Variants in LRP1B observed in about 807,000 individuals in gnomAD.
The protein encoded by LRP1B is LDL receptor related protein 1B, also known as low-density lipoprotein receptor-related protein 1B.
A neutral mutation model predicts 556.6 loss-of-function variants in LRP1B; 217 were observed. The observed-to-expected ratio is 0.39, with a 90% confidence interval of 0.35 to 0.44. The LOEUF is 0.44. Ranked by LOEUF, LRP1B falls within the 20% of genes least tolerant of loss-of-function variation. The probability of loss-of-function intolerance (pLI) is 1.00; values close to 1 mark genes in which losing one functional copy is unlikely to be tolerated. For synonymous variants in LRP1B, 2,047 were observed against 1,865.8 expected (o/e 1.10, Z -2.50); for missense variants, 5,053 against 5,620.8 (o/e 0.90, Z 3.23).
At chr2:141,739,912 A>G (rs777784618) in intron 2 of LRP1B, among the ~76,000 whole-genome samples, 3 of 152,130 alleles carry the variant, frequency 2.0e-5, no homozygotes, top group African/African-American at 7.2e-5. Context: ...CAGATTAAAT[A>G]CTATATATCA....
rs750652508 is a variant in LRP1B, at chr2:140,950,348, T to A, written c.3023A>T (p.Asp1008Val). The part of the protein sequence containing the change: ...DEVGCVHSCF[D>V]NQFRCSSGRC... ...GCCACTGGAACATCTGAACTGATTA[T>A]CAAAGCAAGAGTGAACACAGCCCAC... is the stretch of plus-strand genomic sequence containing the variant. Residue 1008 changes from aspartate (D) to valine (V), a missense_variant, in exon 20 of 91, where the codon GAT becomes GTT. Asp to Val is a radical substitution (Grantham distance 152, BLOSUM62 -3). Coordinates refer to ENST00000389484, the MANE Select transcript of LRP1B (RefSeq NM_018557.3). 6.2e-7 allele frequency: 1 copy of A among 1,612,896 alleles called. No individual in the cohort carries two copies. The highest frequency in any genetic ancestry group is 8.5e-7 in the Non-Finnish European group (1 of 1,179,546).
intron 84 of LRP1B, among the ~76,000 whole-genome samples, chr2:140,296,613 G>A (rs1303655879): frequency 1.4e-5 from 1 of 71,720 alleles, no homozygotes; most frequent in African/African-American, 4.0e-5. Flanking sequence ...GGTTGCATGT[G>A]TGAAACATCT....
intron 16 of LRP1B, among the ~76,000 whole-genome samples, chr2:140,993,768 A>G (rs1176555465): frequency 6.6e-6 from 1 of 152,054 alleles, no homozygotes. Context: ...TCTTAGAGCA[A>G]CTAAAATGAT....
At chr2:141,580,511 G>C (rs1198580673) in intron 2 of LRP1B, among the ~76,000 whole-genome samples, 1 of 152,156 alleles carries the variant, frequency 6.6e-6, no homozygotes, top group African/African-American at 2.4e-5. Context: ...AAATTAATTT[G>C]ATGGCTAAGC....
intron 25 of LRP1B, among the ~76,000 whole-genome samples, chr2:140,871,891 A>T (rs1443541238): frequency 6.6e-6 from 1 of 152,100 alleles, no homozygotes; most frequent in Non-Finnish European, 1.5e-5. Context: ...CCTAGCTGAA[A>T]TATGGTAATG....
intron 2 of LRP1B, among the ~76,000 whole-genome samples, chr2:141,741,383 T>C (rs1471208037): frequency 6.7e-6 from 1 of 149,886 alleles, no homozygotes. Context: ...CAAACTGTTC[T>C]ATAAAGTGGT....
intron 35 of LRP1B, among the ~76,000 whole-genome samples, chr2:140,722,898 C>A (rs113209415): frequency 6.6e-6 from 1 of 152,048 alleles, no homozygotes; most frequent in African/African-American, 2.4e-5. Flanking sequence ...AAAAAATTAG[C>A]CGGGCATGTT....
intron 41 of LRP1B, among the ~76,000 whole-genome samples, chr2:140,607,692 T>A (rs1218673191): frequency 6.6e-6 from 1 of 151,836 alleles, no homozygotes; most frequent in African/African-American, 2.4e-5. Context: ...TATGTATACA[T>A]ATACATACAG....
chr2:140,879,753 G>C (rs1023283373), intron 25 of LRP1B, among the ~76,000 whole-genome samples: 2 of 151,862 alleles, frequency 1.3e-5, no homozygotes, highest in African/African-American at 4.8e-5. Context: ...TAGGATGTAT[G>C]GAAATGTTCA....
intron 32 of LRP1B, among the ~76,000 whole-genome samples, chr2:140,804,456 TATC>T (rs142237190): frequency 0.017 from 2,647 of 152,110 alleles, 70 homozygotes; most frequent in African/African-American, 0.061. Flanking sequence ...TATTTAAGTG[TATC>T]ATATTAAGTA....
At chr2:140,663,076 C>T (rs16844420) in intron 41 of LRP1B, among the ~76,000 whole-genome samples, 15,868 of 152,016 alleles carry the variant, frequency 0.1, 970 homozygotes, top group East Asian at 0.25. Flanking sequence ...GAACAGCACA[C>T]AAGAATTTCA....
intron 3 of LRP1B, among the ~76,000 whole-genome samples, chr2:141,315,252 A>ATTTTTTTTTT (rs34839276): frequency 2.7e-4 from 21 of 77,192 alleles, no homozygotes; most frequent in East Asian, 8.9e-4. Flanking sequence ...AATGATTGTA[A>ATTTTTTTTTT]TTTTTTTTTT....
At chr2:141,352,025 AC>A (rs1282564380) in intron 3 of LRP1B, among the ~76,000 whole-genome samples, 1 of 151,916 alleles carries the variant, frequency 6.6e-6, no homozygotes, top group African/African-American at 2.4e-5. Context: ...TGGAGAAAAG[AC>A]TTTTGAAGAA....
chr2:141,940,069 C>T (rs1574511446), intron 1 of LRP1B, among the ~76,000 whole-genome samples: 2 of 152,014 alleles, frequency 1.3e-5, no homozygotes, highest in Admixed American at 1.3e-4. Flanking sequence ...GACTATAATG[C>T]AAATCTGACA....
chr2:141,594,666 G>A lies in LRP1B; in HGVS notation c.206-114133C>T, dbSNP rs570861668. On this transcript the variant is annotated intron_variant, in intron 2 of 90. Transcript: ENST00000389484. ...ATTAATTTATCAAAATTGTCATTTG[G>A]TTGACTACATTGATCAGATAGCCAG... Among the ~76,000 whole-genome samples the A allele has an allele frequency of 9.0e-4, 137 of 152,160 alleles. 2 individuals are homozygous for A. Among genetic ancestry groups the A allele is most frequent in the African/African-American group, 3.2e-3 (131 of 41,522 alleles).
intron 2 of LRP1B, among the ~76,000 whole-genome samples, chr2:141,487,532 G>A (rs897813960): frequency 6.6e-6 from 1 of 152,126 alleles, no homozygotes; most frequent in South Asian, 2.1e-4. Flanking sequence ...TCAATTGCTG[G>A]TCACAACAAA....
intron 2 of LRP1B, among the ~76,000 whole-genome samples, chr2:141,688,463 C>T (rs554599472): frequency 6.6e-6 from 1 of 151,950 alleles, no homozygotes; most frequent in African/African-American, 2.4e-5. Flanking sequence ...TGTTAAGTAA[C>T]TTTTGTGAAA....
chr2:141,793,248 CT>C (rs1219618090), intron 2 of LRP1B, among the ~76,000 whole-genome samples: 1 of 151,850 alleles, frequency 6.6e-6, no homozygotes, highest in Admixed American at 6.6e-5. Flanking sequence ...GTGTTATGTT[CT>C]TCATTCTAAA....
rs369866331 is a variant in LRP1B at position 140,850,265 on chromosome 2, T to C, written c.4776A>G (p.Pro1592=). The C allele has an allele frequency of 1.9e-6, 3 of 1,613,714 alleles. No individual in the cohort carries two copies. Among genetic ancestry groups the C allele is most frequent in the African/African-American group, 1.3e-5 (1 of 74,918 alleles). ...SEIRGVDIDN[P]YFNFITAFTV... ...TAAATGCCGTGATGAAGTTAAAGTA[T>C]GGATTGTCAATATCCACTCCTCTGA... The change falls in exon 29 of 91, where the codon CCA becomes CCG. Residue 1592 remains proline, a synonymous_variant. Coordinates refer to ENST00000389484, the MANE Select transcript of LRP1B (RefSeq NM_018557.3).
Sources: gnomAD v4.1 joint callset for allele counts (sites outside exome capture counted in the v4.1 genomes callset) on GRCh38, gnomAD v4.1.1 for gene constraint, MANE v1.5 for transcripts, NCBI Gene and HGNC (gene_info 2026-07-23, HGNC 2026-07-21) for gene names.